The following DNAH1 variants were observed in gnomAD, a reference collection of about 807,000 sequenced individuals.
The protein encoded by DNAH1 is axonemal beta dynein heavy chain 1.
A neutral mutation model predicts 484.3 loss-of-function variants in DNAH1; 327 were observed. That is an observed-to-expected ratio of 0.68 (90% confidence interval 0.62 to 0.74). The LOEUF (loss-of-function observed/expected upper bound fraction) is 0.74. Ranked by LOEUF, DNAH1 falls within the 30% of genes least tolerant of loss-of-function variation. DNAH1 has a pLI of 0.00. For missense variants in DNAH1, 5,052 were observed against 5,546.8 expected, an observed-to-expected ratio of 0.91 and a Z score of 2.83; for synonymous variants, 2,192 against 2,191.9, an observed-to-expected ratio of 1.00 and a Z score of 0.00.
In DNAH1 at chr3:52,326,825, C is replaced by T. The variant is rs1488085604; in HGVS notation, c.672C>T (p.Asp224=). 6.2e-7 allele frequency: 1 copy of T among 1,613,748 alleles called. No individual in the cohort carries two copies. Among genetic ancestry groups the T allele is most frequent in the Admixed American group, 1.7e-5 (1 of 59,992 alleles). ...ACAAGCTCATGCCCAGGCACCTGGA[C>T]CACCAGCACCCCCAAACCATCGAAC... ...DSNKLMPRHL[D]HQHPQTIEQG... is the part of the protein sequence containing the mutation. The change falls in exon 5 of 78, where the codon GAC becomes GAT. Residue 224 remains aspartate (D), a synonymous_variant. Coordinates refer to ENST00000420323, the MANE Select transcript of DNAH1 (RefSeq NM_015512.5).
chr3:52,360,254 A>C, intron 27 of DNAH1, 57 bp from the exon 28 acceptor site: 1 of 1,543,022 alleles, frequency 6.5e-7, no homozygotes. Flanking sequence ...TTGACTATAT[A>C]CCCTGCCCAG....
intron 3 of DNAH1, among the ~76,000 whole-genome samples, chr3:52,325,146 A>T (rs935678359): frequency 1.3e-5 from 2 of 152,130 alleles, no homozygotes; most frequent in African/African-American, 4.8e-5. Context: ...TTGACTACTC[A>T]GCAGCCTGGT....
chr3:52,321,377 A>T (rs1342017805), intron 1 of DNAH1, among the ~76,000 whole-genome samples: 2 of 152,100 alleles, frequency 1.3e-5, no homozygotes, highest in African/African-American at 4.8e-5. Flanking sequence ...CGGCCTCCCA[A>T]AGTGCTGGGA....
At chr3:52,349,480 C>T (rs112812670) in intron 14 of DNAH1, 60 bp downstream of exon 14, 37 of 1,482,882 alleles carry the variant, frequency 2.5e-5, no homozygotes, top group South Asian at 4.6e-5. Flanking sequence ...GCAGCACACA[C>T]GGACCCTCAC....
Position 52,346,452 on chromosome 3 carries a change from G to T in DNAH1, c.1657-20G>T. ...TGGGTCCCCAGGGTGGCCATATGAT[G>T]ATGCCTGTGGCCACTCTAGGTGCAG... On this transcript the variant is annotated intron_variant, in intron 10 of 77. Transcript: ENST00000420323. 1.3e-6 allele frequency: 2 copies of T among 1,594,900 alleles called. No individual in the cohort carries two copies.
rs748803476 is a variant in DNAH1, at chr3:52,371,936, A to G, written c.6526-10A>G. 1.1e-5 allele frequency: 17 copies of G among 1,611,086 alleles called. No homozygotes were observed. Among genetic ancestry groups the G allele is most frequent in the Middle Eastern group, 1.6e-4 (1 of 6,074 alleles). The stretch of plus-strand genomic sequence containing the variant: ...TTCCAGGCCCACTGCTGAGCCACCT[A>G]TGATTCCAGGTTGCCTGGGTGAAGT... On this transcript the variant is annotated splice_polypyrimidine_tract_variant and intron_variant, in intron 41 of 77. Transcript: ENST00000420323.
chr3:52,344,017 AGTC>A (rs142864835), intron 8 of DNAH1, among the ~76,000 whole-genome samples: 1 of 152,350 alleles, frequency 6.6e-6, no homozygotes, highest in Non-Finnish European at 1.5e-5. Context: ...CCTCAGGCCC[AGTC>A]ATGGGCACAT....
rs780145277 is a variant in DNAH1, at chr3:52,398,035, G to T, written c.11962G>T (p.Val3988Leu). 1 of 1,613,480 alleles carries T rather than the reference G, an allele frequency of 6.2e-7. No homozygotes were observed. The highest frequency in any genetic ancestry group is 2.2e-5 in the East Asian group (1 of 44,888). The change falls in exon 75 of 78, where the codon GTG becomes TTG. Residue 3988 changes from valine (V) to leucine (L), a missense_variant. Val to Leu is a conservative substitution (Grantham distance 32). This residue lies in a region of DNAH1 where 853 missense variants were observed against 899.0 expected (regional missense o/e 0.95). Transcript: ENST00000420323. ...CAGTATTCCTTTGCCCCTGCAGATAGTGGAGGACGTCACCCAAAACATTCT... is the reference window on the plus strand; with the variant it reads ...CAGTATTCCTTTGCCCCTGCAGATATTGGAGGACGTCACCCAAAACATTCT... Reference protein sequence around the residue: ...SAGSQGREEIVEDVTQNILLK... With the variant: ...SAGSQGREEILEDVTQNILLK...
At chr3:52,313,154 T>TG (rs1700848577), upstream of DNAH1, among the ~76,000 whole-genome samples, 1 of 152,184 alleles carries the variant, frequency 6.6e-6, no homozygotes. Flanking sequence ...GTGGGTACTC[T>TG]GCAGGAGGAG....
chr3:52,354,416 T>G (rs1385120461), intron 20 of DNAH1, among the ~76,000 whole-genome samples: 1 of 152,184 alleles, frequency 6.6e-6, no homozygotes, highest in East Asian at 1.9e-4. Flanking sequence ...GTGGATCACC[T>G]GAGGTCAGGA....
At chr3:52,390,886 C>A (rs1578197644) in intron 60 of DNAH1, 49 bp from the exon 61 acceptor site, 1 of 1,549,052 alleles carries the variant, frequency 6.5e-7, no homozygotes. Flanking sequence ...CCTCAGTGAC[C>A]CTGCTTGCAG....
Position 52,339,804 on chromosome 3 carries a change from CTGTG to C in DNAH1, c.1287-4662_1287-4659del, listed in dbSNP as rs59262545. Among the ~76,000 whole-genome samples, 327 of 146,568 alleles carry C rather than the reference CTGTG, an allele frequency of 2.2e-3. 1 individual carries two copies. The highest frequency in any genetic ancestry group is 4.8e-3 in the East Asian group (24 of 4,976). On this transcript the variant is annotated intron_variant, in intron 8 of 77. Transcript: ENST00000420323. ...TTTAGAATGTGCTCTGTGTGTGTGT[CTGTG>C]TGTGTGTGTGTGTGTGTGTGTGTAC...
intron 75 of DNAH1, 114 bp downstream of exon 75, chr3:52,398,276 T>A: frequency 7.5e-7 from 1 of 1,331,236 alleles, no homozygotes; most frequent in Middle Eastern, 1.9e-4. Flanking sequence ...ATCCTCTAAC[T>A]CAGCTATTTT....
At chr3:52,388,379 G>A (rs2153225441) in intron 57 of DNAH1, 39 bp from the exon 58 acceptor site, 3 of 1,601,652 alleles carry the variant, frequency 1.9e-6, no homozygotes, top group Non-Finnish European at 8.5e-7. Context: ...CCCTCCCGGG[G>A]GTACTTGGCG....
In DNAH1 at chr3:52,361,289, T is replaced by A. The variant is rs1422456857; in HGVS notation, c.4811T>A (p.Val1604Glu). The A allele has an allele frequency of 6.2e-7, 1 of 1,611,024 alleles. No individual in the cohort carries two copies. Residue 1604 changes from valine (V) to glutamate (E), a missense_variant, in exon 29 of 78, where the codon GTG becomes GAG. Val to Glu is a moderately radical substitution (Grantham distance 121). Transcript: ENST00000420323. This position sits in a 1 kb window ranked among gnomAD's most constrained non-coding sequence, Gnocchi z 5.6. ...AAGGCCTTGGCCATACAGACCGTTG[T>A]GTTCAACTGCTCTGACCAGCTCGAC... is the stretch of plus-strand genomic sequence containing the variant. ...LGKALAIQTV[V>E]FNCSDQLDFM...
chr3:52,343,022 G>A (rs1319425030), intron 8 of DNAH1, among the ~76,000 whole-genome samples: 1 of 152,126 alleles, frequency 6.6e-6, no homozygotes, highest in South Asian at 2.1e-4. Flanking sequence ...AAGTCAGGGA[G>A]GTGAGGAAGA....
intron 6 of DNAH1, among the ~76,000 whole-genome samples, chr3:52,329,531 CA>C (rs890062931): frequency 6.6e-6 from 1 of 151,546 alleles, no homozygotes. Flanking sequence ...TCAAACAAAA[CA>C]AAAAAAACCA....
At position 52,397,059 on chromosome 3, in the gene DNAH1, A is replaced by G. The variant is rs1185421938; in HGVS notation, c.11787+15A>G. 1 of 1,588,102 alleles carries G rather than the reference A, an allele frequency of 6.3e-7. No individual in the cohort carries two copies. Among genetic ancestry groups the G allele is most frequent in the South Asian group, 1.1e-5 (1 of 87,910 alleles). On this transcript the variant is annotated intron_variant, in intron 73 of 77. Coordinates refer to ENST00000420323, the MANE Select transcript of DNAH1 (RefSeq NM_015512.5). ...ACGACCTCCACGTGAGTCCAGCCCA[A>G]AGGGCTGCACAGGAGGGGCCTGCCA...
At position 52,379,881 on chromosome 3, in the gene DNAH1, G is replaced by A; in HGVS notation, c.7378-24G>A. 1 of 1,543,070 alleles carries A rather than the reference G, an allele frequency of 6.5e-7. No individual in the cohort carries two copies. The highest frequency in any genetic ancestry group is 8.8e-7 in the Non-Finnish European group (1 of 1,140,996). On this transcript the variant is annotated intron_variant, in intron 47 of 77. Coordinates refer to ENST00000420323, the MANE Select transcript of DNAH1 (RefSeq NM_015512.5). The surrounding 1 kb of genome is among the most constrained non-coding windows in gnomAD (Gnocchi z 4.4). ...CTGAGGGCTTGGGGGCCAAGGACAG[G>A]CACCGATGCTGGGGCTACTGCAGGA...
Sources: allele counts gnomAD v4.1 joint callset (sites outside exome capture counted in the v4.1 genomes callset), GRCh38; gene constraint gnomAD v4.1.1; regional missense constraint gnomAD v4.1.1; non-coding constraint Gnocchi (gnomAD v3.1); transcripts MANE v1.5; gene names NCBI Gene and HGNC (gene_info 2026-07-23, HGNC 2026-07-21).